FBXO4: variants seen among roughly 807,000 people sequenced by gnomAD.
FBXO4 encodes F-box protein 4, also known as F-box only protein 4.
In FBXO4, 36 loss-of-function variants were observed where a neutral mutation model predicts 43.7. That is an observed-to-expected ratio of 0.82 (90% CI 0.63 to 1.09). The LOEUF (loss-of-function observed/expected upper bound fraction) is 1.09. FBXO4 is among the 50% of genes least tolerant of loss of function. The pLI is 0.00. For synonymous variants in FBXO4, 180 were observed against 165.6 expected, an observed-to-expected ratio of 1.09 and a Z score of -0.67; for missense variants, 435 against 474.1, an observed-to-expected ratio of 0.92 and a Z score of 0.77.
At chr5:42,017,426 ATTTC>A in the FBXO4 span, among the ~76,000 whole-genome samples, 1 of 148,896 alleles carries the variant, frequency 6.7e-6, no homozygotes, top group Non-Finnish European at 1.5e-5. Flanking sequence ...TTTTCAAAAA[ATTTC>A]TTTTTTTTTC....
chr5:42,007,539 A>G, the FBXO4 span, among the ~76,000 whole-genome samples: 1 of 152,124 alleles, frequency 6.6e-6, no homozygotes, highest in African/African-American at 2.4e-5. Context: ...CCTGAGGGAG[A>G]AAACTTTTCT....
At chr5:42,029,526 T>C in the FBXO4 span, among the ~76,000 whole-genome samples, 8 of 152,084 alleles carry the variant, frequency 5.3e-5, no homozygotes, top group South Asian at 1.7e-3. Context: ...TTTAAATACA[T>C]TTCCTACTCC....
the FBXO4 span, among the ~76,000 whole-genome samples, chr5:42,010,784 G>A: frequency 7.2e-5 from 11 of 151,940 alleles, no homozygotes; most frequent in African/African-American, 2.7e-4. Context: ...TTTTTCATAG[G>A]GGCTGCATCA....
the FBXO4 span, among the ~76,000 whole-genome samples, chr5:41,954,912 G>C: frequency 2.2e-3 from 331 of 152,322 alleles, no homozygotes; most frequent in African/African-American, 7.6e-3. Flanking sequence ...AGGAATTCTA[G>C]AGAAAGCAGG....
chr5:41,993,610 AC>A, the FBXO4 span, among the ~76,000 whole-genome samples: 1 of 124,206 alleles, frequency 8.1e-6, no homozygotes, highest in East Asian at 2.1e-4. Context: ...GAGAGACAGA[AC>A]TAATAGGATA....
At chr5:41,965,354 C>T in the FBXO4 span, among the ~76,000 whole-genome samples, 3 of 152,280 alleles carry the variant, frequency 2.0e-5, no homozygotes, top group African/African-American at 4.8e-5. Context: ...TTAGGATTGA[C>T]TTGGCAATAT....
At chr5:41,981,773 A>G in the FBXO4 span, among the ~76,000 whole-genome samples, 5 of 150,786 alleles carry the variant, frequency 3.3e-5, no homozygotes, top group African/African-American at 7.3e-5. Flanking sequence ...TTGTACTTCA[A>G]GTTCTAGGGT....
At chr5:41,959,620 A>C in the FBXO4 span, among the ~76,000 whole-genome samples, 7 of 152,132 alleles carry the variant, frequency 4.6e-5, no homozygotes, top group African/African-American at 1.4e-4. Flanking sequence ...TCTTTATTGA[A>C]GAAACTCTTC....
At chr5:42,011,329 G>A in the FBXO4 span, among the ~76,000 whole-genome samples, 1 of 152,130 alleles carries the variant, frequency 6.6e-6, no homozygotes, top group African/African-American at 2.4e-5. Flanking sequence ...GGACTGCATT[G>A]GTTATTGTGA....
the FBXO4 span, chr5:41,963,937 T>A: frequency 6.6e-6 from 1 of 152,246 alleles, no homozygotes; most frequent in Non-Finnish European, 1.5e-5. Context: ...TTGTGATCGG[T>A]TAGTTGTAAA....
At chr5:41,962,533 C>A in the FBXO4 span, among the ~76,000 whole-genome samples, 2 of 152,160 alleles carry the variant, frequency 1.3e-5, no homozygotes, top group Admixed American at 6.5e-5. Flanking sequence ...TCATCACTGT[C>A]TTTTACTCAG....
chr5:41,969,115 A>C, the FBXO4 span, among the ~76,000 whole-genome samples: 14 of 152,146 alleles, frequency 9.2e-5, no homozygotes, highest in Non-Finnish European at 1.5e-4. Context: ...GTTGTCACAC[A>C]TTTGTTGACA....
the FBXO4 span, among the ~76,000 whole-genome samples, chr5:42,015,286 G>A: frequency 6.6e-6 from 1 of 152,204 alleles, no homozygotes; most frequent in African/African-American, 2.4e-5. Flanking sequence ...GTGTGTGAGT[G>A]TGTGTGTGCA....
At chr5:41,983,213 T>C in the FBXO4 span, among the ~76,000 whole-genome samples, 1 of 152,240 alleles carries the variant, frequency 6.6e-6, no homozygotes, top group Non-Finnish European at 1.5e-5. Context: ...AAATGATTTA[T>C]AATCCTGTAT....
the FBXO4 span, among the ~76,000 whole-genome samples, chr5:41,963,696 A>G: frequency 6.6e-6 from 1 of 152,194 alleles, no homozygotes; most frequent in Non-Finnish European, 1.5e-5. Context: ...AAAATTCTTC[A>G]TCTTCATTGT....
the FBXO4 span, among the ~76,000 whole-genome samples, chr5:42,003,688 G>A: frequency 1.0e-5 from 1 of 98,338 alleles, no homozygotes; most frequent in Admixed American, 1.5e-4. Context: ...CCCACAACAG[G>A]CCCCAGTGTG....
chr5:41,992,968 T>C, the FBXO4 span, among the ~76,000 whole-genome samples: 3 of 152,194 alleles, frequency 2.0e-5, no homozygotes, highest in Non-Finnish European at 4.4e-5. Flanking sequence ...AAGTGGAGAA[T>C]GATAAAACTG....
the FBXO4 span, among the ~76,000 whole-genome samples, chr5:42,034,431 C>T: frequency 2.0e-5 from 3 of 152,150 alleles, no homozygotes; most frequent in Non-Finnish European, 4.4e-5. Context: ...GTCATGAAGT[C>T]TTTGTCCATG....
chr5:41,956,088 T>A, the FBXO4 span, among the ~76,000 whole-genome samples: 143 of 152,286 alleles, frequency 9.4e-4, 3 homozygotes, highest in East Asian at 0.024. Context: ...CAGTTAAAAA[T>A]CACTGTCATA....
Sources: gnomAD v4.1 joint callset for allele counts (sites outside exome capture counted in the v4.1 genomes callset) on GRCh38, gnomAD v4.1.1 for gene constraint, MANE v1.5 for transcripts, NCBI Gene and HGNC (gene_info 2026-07-23, HGNC 2026-07-21) for gene names.